Variants in DBNL observed in about 807,000 individuals in gnomAD.
DBNL encodes drebrin like.
In DBNL, 35 loss-of-function variants were observed where a neutral mutation model predicts 62.2. The ratio of observed to expected loss-of-function variants is 0.56; its 90% confidence interval spans 0.43 to 0.75. DBNL has a LOEUF of 0.75. Ranked by LOEUF, DBNL falls within the 30% of genes least tolerant of loss-of-function variation. The pLI, the probability that DBNL is intolerant of heterozygous loss-of-function variation, is 0.00. For missense variants in DBNL, 495 were observed against 578.4 expected (o/e 0.86, Z 1.48); for synonymous variants, 197 against 218.0 (o/e 0.90, Z 0.85).
intron 4 of DBNL, among the ~76,000 whole-genome samples, chr7:44,053,257 T>G (rs2096129757): frequency 6.6e-6 from 1 of 152,336 alleles, no homozygotes; most frequent in South Asian, 2.1e-4. Context: ...CTAAACAGTT[T>G]AGTAATACCG....
chr7:44,053,956 G>T (rs139858700), intron 4 of DBNL, among the ~76,000 whole-genome samples: 23 of 152,118 alleles, frequency 1.5e-4, no homozygotes, highest in Middle Eastern at 3.4e-3. Flanking sequence ...GATTACAGGC[G>T]TGAACCACCA....
In DBNL at chr7:44,056,847, T is replaced by G; in HGVS notation, c.418T>G (p.Tyr140Asp). 1 of 1,614,144 alleles carries G rather than the reference T, an allele frequency of 6.2e-7. No homozygotes were observed. The highest frequency in any genetic ancestry group is 8.5e-7 in the Non-Finnish European group (1 of 1,180,014). The change falls in exon 5 of 13, where the codon TAC (tyrosine) becomes GAC (aspartate). Residue 140 changes from tyrosine to aspartate, a missense_variant. Physicochemically the swap from Tyr to Asp is radical, Grantham distance 160. Coordinates refer to ENST00000448521, the MANE Select transcript of DBNL (RefSeq NM_001014436.3). Reference protein sequence around the residue: ...EKVAKASGANYSFHKESGRFQ... With the variant: ...EKVAKASGANDSFHKESGRFQ... ...GGTGGCCAAGGCTTCAGGTGCCAAC[T>G]ACAGCTTTCACAAGGAGAGTGGCCG...
intron 4 of DBNL, among the ~76,000 whole-genome samples, chr7:44,054,077 T>C (rs2096131620): frequency 6.6e-6 from 1 of 152,224 alleles, no homozygotes; most frequent in Admixed American, 6.5e-5. Flanking sequence ...TCAACCTGTA[T>C]AGCAACAGTG....
In DBNL at chr7:44,058,170, C is replaced by T. The variant is rs749482498; in HGVS notation, c.594C>T (p.Ala198=). The T allele has an allele frequency of 1.2e-5, 18 of 1,555,952 alleles. No homozygotes were observed. The highest frequency in any genetic ancestry group is 1.8e-4 in the Middle Eastern group (1 of 5,660). The change falls in exon 7 of 13, where the codon GCC becomes GCT. Residue 198 remains alanine, a synonymous_variant. Transcript: ENST00000448521. ...ENRRLEEKRR[A]EEAQRQLEQE... is the part of the protein sequence containing the mutation. ...GTCGGCTGGAGGAAAAGCGGCGGGC[C>T]GAGGAGGCACAGCGGCAGCTGGAGC...
rs1426478791 is a variant in DBNL at position 44,062,907 on chromosome 7, C to T, written c.*1991C>T. On this transcript the variant is annotated 3_prime_UTR_variant, in exon 13 of 13. Coordinates refer to ENST00000448521, the MANE Select transcript of DBNL (RefSeq NM_001014436.3). ...GGGATCCCCGTGGGCAGGTTCAGCT[C>T]CATGATCGCCTGGTCTGACATCCCT... 1.9e-6 allele frequency: 3 copies of T among 1,614,200 alleles called. No homozygotes were observed. In the East Asian group the frequency reaches 6.7e-5, roughly 36 times the overall value.
rs368023575 is a variant in DBNL at position 44,057,888 on chromosome 7, A to G, written c.552+29A>G. 58 of 1,613,860 alleles carry G rather than the reference A, an allele frequency of 3.6e-5. No homozygotes were observed. The African/African-American group carries it at 5.7e-4, about 16-fold the overall frequency. On this transcript the variant is annotated intron_variant, in intron 6 of 12. Transcript: ENST00000448521. ...AGTGCTGCCCCGGGGCATGCTGGGC[A>G]CGTGGGAGTGTTCTGCTTGCTGTGG...
chr7:44,053,560 T>C (rs2096130269), intron 4 of DBNL, among the ~76,000 whole-genome samples: 1 of 152,184 alleles, frequency 6.6e-6, no homozygotes, highest in African/African-American at 2.4e-5. Flanking sequence ...CTTATCGATA[T>C]ACAGGTTTGA....
chr7:44,060,081 G>T lies in DBNL; in HGVS notation c.1081G>T (p.Asp361Tyr). Reference protein sequence around the residue: ...QQQGAGSEHIDHHIQGQGLSG... With the variant: ...QQQGAGSEHIYHHIQGQGLSG... ...GCAAGGTGCTGGCTCTGAGCACATTGACCACCACATTCAGGGCCAGGGGCT... is the reference window on the plus strand; with the variant it reads ...GCAAGGTGCTGGCTCTGAGCACATTTACCACCACATTCAGGGCCAGGGGCT... Residue 361 changes from aspartate (D) to tyrosine (Y), a missense_variant, in exon 12 of 13, where the codon GAC becomes TAC. Transcript: ENST00000448521. This position sits in a 1 kb window ranked among gnomAD's most constrained non-coding sequence, Gnocchi z 6.3. 6.2e-7 allele frequency: 1 copy of T among 1,613,714 alleles called. No individual in the cohort carries two copies. Among genetic ancestry groups the T allele is most frequent in the South Asian group, 1.1e-5 (1 of 91,044 alleles).
In DBNL at chr7:44,066,771, G is replaced by A. The variant is rs2096160902; in HGVS notation, c.*5855G>A. The A allele has an allele frequency of 6.6e-6, 1 of 152,520 alleles. No homozygotes were observed. Among genetic ancestry groups the A allele is most frequent in the East Asian group, 1.9e-4 (1 of 5,186 alleles). The allele number at this position is 152,520 out of a possible 1,614,324, so 9.4% of individuals were successfully genotyped here. The stretch of plus-strand genomic sequence containing the variant: ...TGGCAGACAAGTCCCAGTGGGCAAA[G>A]TCCTGTCGGCTGCCAGGACCCCCAA... On this transcript the variant is annotated 3_prime_UTR_variant, in exon 13 of 13. Transcript: ENST00000448521.
chr7:44,052,610 CA>C (rs756096866), intron 3 of DBNL, among the ~76,000 whole-genome samples: 133 of 109,952 alleles, frequency 1.2e-3, no homozygotes, highest in Admixed American at 1.8e-3. Flanking sequence ...ACTCCATCTC[CA>C]AAAAAAAAAA....
chr7:44,059,398 G>GAGACCC lies in DBNL; in HGVS notation c.882_887dup (p.Thr295_His296insGlnThr). On this transcript the variant is annotated inframe_insertion, in exon 10 of 13. Coordinates refer to ENST00000448521, the MANE Select transcript of DBNL (RefSeq NM_001014436.3). The surrounding 1 kb of genome is among the most constrained non-coding windows in gnomAD (Gnocchi z 4.1). ...CCTGCAGAAGCAGCTCACCCAACCA[G>GAGACCC]AGACCCACTTTGGCAGAGAGCCAGC... 6.2e-7 allele frequency: 1 copy of GAGACCC among 1,614,134 alleles called. No individual in the cohort carries two copies. The highest frequency in any genetic ancestry group is 1.1e-5 in the South Asian group (1 of 91,084).
intron 8 of DBNL, 175 bp from the exon 9 acceptor site, chr7:44,058,727 T>C: frequency 5.8e-6 from 5 of 856,676 alleles, no homozygotes; most frequent in Non-Finnish European, 9.0e-6. Context: ...TTTTACTTCC[T>C]TTTTTAACGT....
rs2096156772 is a variant in DBNL at position 44,065,018 on chromosome 7, G to A, written c.*4102G>A. On this transcript the variant is annotated 3_prime_UTR_variant, in exon 13 of 13. Coordinates refer to ENST00000448521, the MANE Select transcript of DBNL (RefSeq NM_001014436.3). ...AGGCCTGCGTACCGACGCTCCTGGG[G>A]GACACAGGCACGCTGCTTTCCCTCC... The A allele has an allele frequency of 6.2e-7, 1 of 1,606,688 alleles. No individual in the cohort carries two copies. The highest frequency in any genetic ancestry group is 2.2e-5 in the East Asian group (1 of 44,826).
chr7:44,048,710 A>G (rs2096121477), intron 1 of DBNL, among the ~76,000 whole-genome samples: 1 of 152,222 alleles, frequency 6.6e-6, no homozygotes, highest in Non-Finnish European at 1.5e-5. Context: ...GGGAGATGAC[A>G]CACACTGGAC....
At position 44,059,033 on chromosome 7, in the gene DBNL, G is replaced by T; in HGVS notation, c.835+50G>T. On this transcript the variant is annotated intron_variant, in intron 9 of 12. Coordinates refer to ENST00000448521, the MANE Select transcript of DBNL (RefSeq NM_001014436.3). This position sits in a 1 kb window ranked among gnomAD's most constrained non-coding sequence, Gnocchi z 4.1. Reference sequence around the variant, plus strand: ...CATGAGGCAGCAGCAGGCTGAGGGGGAGCCTGGGGTCCTATGTGGGCTCCC... The same window carrying T: ...CATGAGGCAGCAGCAGGCTGAGGGGTAGCCTGGGGTCCTATGTGGGCTCCC... 5.6e-6 allele frequency: 9 copies of T among 1,594,946 alleles called. No homozygotes were observed. The highest frequency in any genetic ancestry group is 7.7e-6 in the Non-Finnish European group (9 of 1,164,014).
chr7:44,068,014 T>C lies in DBNL; in HGVS notation c.*7098T>C, dbSNP rs960824829. ...GTTGGGGGAATCCCTCCAATTTTTC[T>C]TTTCTTCTCTACCCCAGCTCCTGGG... On this transcript the variant is annotated 3_prime_UTR_variant, in exon 13 of 13. Transcript: ENST00000448521. The C allele has an allele frequency of 1.3e-5, 2 of 152,164 alleles. No homozygotes were observed. Among genetic ancestry groups the C allele is most frequent in the African/African-American group, 2.4e-5 (1 of 41,426 alleles). 9.4% of individuals were successfully genotyped at this position (152,164 alleles called of 1,614,324 possible). A position where few individuals can be genotyped will look rare whatever the true frequency, so the allele number is the denominator to read the frequency against.
rs1161976122 is a variant in DBNL at position 44,057,808 on chromosome 7, C to T, written c.501C>T (p.Ala167=). The T allele has an allele frequency of 5.0e-6, 8 of 1,614,060 alleles. No homozygotes were observed. The highest frequency in any genetic ancestry group is 1.6e-4 in the Middle Eastern group (1 of 6,084). The change falls in exon 6 of 13, where the codon GCC becomes GCT. Residue 167 remains alanine, a synonymous_variant. Coordinates refer to ENST00000448521, the MANE Select transcript of DBNL (RefSeq NM_001014436.3). The stretch of plus-strand genomic sequence containing the variant: ...GCTCTGTGTACCAGAAGACCAATGC[C>T]GTGTCTGAGATTAAAAGGGTTGGTA... ...PVGSVYQKTN[A]VSEIKRVGKD...
At position 44,060,137 on chromosome 7, in the gene DBNL, G is replaced by C; in HGVS notation, c.1137G>C (p.Leu379=). ...GGCAAGGGCTCTGTGCCCGTGCCCT[G>C]TACGACTACCAGGCAGGTAAGGTGC... is the stretch of plus-strand genomic sequence containing the variant. ...LSGQGLCARA[L]YDYQAADDTE... The change falls in exon 12 of 13, where the codon CTG becomes CTC. Residue 379 remains leucine, a synonymous_variant. Transcript: ENST00000448521. This position sits in a 1 kb window ranked among gnomAD's most constrained non-coding sequence, Gnocchi z 6.3. 1 of 1,611,662 alleles carries C rather than the reference G, an allele frequency of 6.2e-7. No homozygotes were observed. The highest frequency in any genetic ancestry group is 8.5e-7 in the Non-Finnish European group (1 of 1,178,418).
chr7:44,058,510 C>T (rs993378792), intron 8 of DBNL, 30 bp downstream of exon 8: 1 of 1,612,374 alleles, frequency 6.2e-7, no homozygotes, highest in South Asian at 1.1e-5. Context: ...CTTGTTTGGA[C>T]CTGTCCTGGC....
Sources: gnomAD v4.1 joint callset for allele counts (sites outside exome capture counted in the v4.1 genomes callset) on GRCh38, gnomAD v4.1.1 for gene constraint, Gnocchi (gnomAD v3.1) non-coding constraint, MANE v1.5 for transcripts, NCBI Gene and HGNC (gene_info 2026-07-23, HGNC 2026-07-21) for gene names.